DLGAP1: variants seen among roughly 807,000 people sequenced by gnomAD.
The protein encoded by DLGAP1 is DLG associated protein 1, also known as disks large-associated protein 1.
A neutral mutation model predicts 90.8 loss-of-function variants in DLGAP1; 11 were observed. That is an observed-to-expected ratio of 0.12 (90% CI 0.08 to 0.20). The LOEUF is 0.20. Ranked by LOEUF, DLGAP1 falls within the 10% of genes least tolerant of loss-of-function variation. The probability of loss-of-function intolerance (pLI) is 1.00; values close to 1 mark genes in which losing one functional copy is unlikely to be tolerated. For missense variants in DLGAP1, 1,050 were observed against 1,333.8 expected (o/e 0.79, Z 3.31); for synonymous variants, 558 against 540.7 (o/e 1.03, Z -0.44).
At chr18:4,211,798 T>C (rs1181677050) in intron 1 of DLGAP1, among the ~76,000 whole-genome samples, 1 of 152,106 alleles carries the variant, frequency 6.6e-6, no homozygotes. Context: ...AAGTGACAGG[T>C]GCTATTCTTG....
chr18:4,446,328 G>T (rs185357261), intron 1 of DLGAP1, among the ~76,000 whole-genome samples: 1 of 152,236 alleles, frequency 6.6e-6, no homozygotes. Flanking sequence ...GACCTCAAGA[G>T]CATTTTAGAA....
rs377430522 is a variant in DLGAP1, at chr18:3,523,655, G to A, written c.2479+10539C>T. ...GAGGTCAGGAGATCGAGACCATCCT[G>A]GCTAACACGGTGAAACCCCGTCTCT... is the stretch of plus-strand genomic sequence containing the variant. On this transcript the variant is annotated intron_variant, in intron 10 of 12. Transcript: ENST00000315677. Among the ~76,000 whole-genome samples the A allele has an allele frequency of 9.0e-4, 137 of 152,000 alleles. 1 individual carries two copies. In the East Asian group the frequency reaches 0.016, roughly 17 times the overall value.
At chr18:3,516,779 G>A (rs1262969698) in intron 10 of DLGAP1, among the ~76,000 whole-genome samples, 1 of 152,180 alleles carries the variant, frequency 6.6e-6, no homozygotes, top group Non-Finnish European at 1.5e-5. Flanking sequence ...TCACTACCAT[G>A]AGAACAGTAT....
chr18:3,736,590 T>A (rs2062648153), intron 6 of DLGAP1, among the ~76,000 whole-genome samples: 1 of 152,212 alleles, frequency 6.6e-6, no homozygotes, highest in African/African-American at 2.4e-5. Flanking sequence ...AGCTCTAACA[T>A]CTTAAAAGCC....
At chr18:4,304,090 A>G (rs998556862) in intron 1 of DLGAP1, among the ~76,000 whole-genome samples, 1 of 152,204 alleles carries the variant, frequency 6.6e-6, no homozygotes, top group African/African-American at 2.4e-5. Flanking sequence ...TGGCATGTAC[A>G]TTTTTTAGTC....
intron 1 of DLGAP1, among the ~76,000 whole-genome samples, chr18:4,447,137 G>C (rs886479337): frequency 2.6e-5 from 4 of 152,108 alleles, no homozygotes; most frequent in Admixed American, 2.6e-4. Flanking sequence ...GTGAAGATAC[G>C]ACTATTACCC....
At chr18:4,073,714 G>C (rs183138291) in intron 2 of DLGAP1, among the ~76,000 whole-genome samples, 129 of 152,184 alleles carry the variant, frequency 8.5e-4, no homozygotes, top group African/African-American at 3.1e-3. Flanking sequence ...TAAATTAGCT[G>C]CTCAATAAGA....
chr18:4,283,984 C>T (rs1265492780), intron 1 of DLGAP1, among the ~76,000 whole-genome samples: 1 of 151,916 alleles, frequency 6.6e-6, no homozygotes, highest in Non-Finnish European at 1.5e-5. Context: ...ATTCTTTCCC[C>T]AAAGGAAACA....
In DLGAP1 at chr18:4,202,503, T is replaced by A. The variant is rs80285458; in HGVS notation, c.-266-51216A>T. The stretch of plus-strand genomic sequence containing the variant: ...AACTATTGAAATAAAAATGTTTTGA[T>A]TAGAAAGATAGACTATATCCAATAG... On this transcript the variant is annotated intron_variant, in intron 1 of 12. Transcript: ENST00000315677. 5.9e-3 allele frequency among the ~76,000 whole-genome samples: 906 copies of A among 152,298 alleles called. 5 individuals are homozygous for A. The highest frequency in any genetic ancestry group is 8.1e-3 in the Non-Finnish European group (553 of 68,028).
At position 3,879,532 on chromosome 18, in the gene DLGAP1, G is replaced by C. The variant is rs746488576; in HGVS notation, c.537C>G (p.Gly179=). Residue 179 remains glycine (G), a synonymous_variant, in exon 4 of 13, where the codon GGC becomes GGG. Coordinates refer to ENST00000315677, the MANE Select transcript of DLGAP1 (RefSeq NM_004746.4). This position sits in a 1 kb window ranked among gnomAD's most constrained non-coding sequence, Gnocchi z 6.6. ...SPDEAQAARY[G]KRSKSKERRA... ...GCCGCTCCTTGCTCTTGCTGCGTTT[G>C]CCATAGCGCGCCGCCTGCGCCTCGT... 15 of 1,600,140 alleles carry C rather than the reference G, an allele frequency of 9.4e-6. No homozygotes were observed. The highest frequency in any genetic ancestry group is 1.3e-5 in the Non-Finnish European group (15 of 1,178,520).
At chr18:3,945,401 T>C (rs1216834750) in intron 3 of DLGAP1, among the ~76,000 whole-genome samples, 1 of 152,202 alleles carries the variant, frequency 6.6e-6, no homozygotes, top group Non-Finnish European at 1.5e-5. Context: ...CCATATTTGG[T>C]GTTTTGGGAG....
In DLGAP1 at chr18:3,659,394, TACACACACAC is replaced by T. The variant is rs71366699; in HGVS notation, c.1591+69731_1591+69740del. 4.6e-3 allele frequency among the ~76,000 whole-genome samples: 474 copies of T among 102,160 alleles called. 12 individuals are homozygous for T. The highest frequency in any genetic ancestry group is 0.02 in the African/African-American group (428 of 21,024). 67.0% of individuals were successfully genotyped at this position (102,160 alleles called of 152,430 possible). On this transcript the variant is annotated intron_variant, in intron 7 of 12. Coordinates refer to ENST00000315677, the MANE Select transcript of DLGAP1 (RefSeq NM_004746.4). Reference sequence around the variant, plus strand: ...GGGTAAGCCGTAACACATACATTTATACACACACACACACACACACACACACACACACACA... The same window carrying T: ...GGGTAAGCCGTAACACATACATTTATACACACACACACACACACACACACA...
At chr18:4,434,947 G>C (rs2083368262) in intron 1 of DLGAP1, among the ~76,000 whole-genome samples, 1 of 152,198 alleles carries the variant, frequency 6.6e-6, no homozygotes, top group Admixed American at 6.5e-5. Context: ...AGTATTAAGA[G>C]TTAAGGCTGG....
chr18:3,680,897 A>G lies in DLGAP1; in HGVS notation c.1591+48238T>C, dbSNP rs1358438970. ...GCACACTTGGGCCTAGGAAGAATGA[A>G]GAAGCCTGAATCTATGCTGCAAACT... On this transcript the variant is annotated intron_variant, in intron 7 of 12. Coordinates refer to ENST00000315677, the MANE Select transcript of DLGAP1 (RefSeq NM_004746.4). 2.0e-5 allele frequency among the ~76,000 whole-genome samples: 3 copies of G among 152,300 alleles called. No homozygotes were observed. In the East Asian group the frequency reaches 5.8e-4, roughly 29 times the overall value.
intron 1 of DLGAP1, among the ~76,000 whole-genome samples, chr18:4,306,954 A>G (rs1345983028): frequency 6.6e-6 from 1 of 152,230 alleles, no homozygotes; most frequent in African/African-American, 2.4e-5. Flanking sequence ...GTCCTTCTCA[A>G]TAGCACGTTA....
chr18:3,694,689 G>C (rs1425825098), intron 7 of DLGAP1, among the ~76,000 whole-genome samples: 1 of 152,178 alleles, frequency 6.6e-6, no homozygotes, highest in African/African-American at 2.4e-5. Context: ...CTTCTTTTGA[G>C]AAGTGTCTGT....
intron 1 of DLGAP1, among the ~76,000 whole-genome samples, chr18:4,385,456 C>A (rs2082210943): frequency 6.6e-6 from 1 of 151,504 alleles, no homozygotes; most frequent in Non-Finnish European, 1.5e-5. Context: ...GTTACATCAT[C>A]ACAATACTTT....
intron 5 of DLGAP1, among the ~76,000 whole-genome samples, chr18:3,753,601 G>C (rs1273235716): frequency 6.6e-6 from 1 of 152,172 alleles, no homozygotes; most frequent in African/African-American, 2.4e-5. Flanking sequence ...AGGGATGTGT[G>C]CATGCTGAGG....
At chr18:4,359,917 A>G (rs1048839872) in intron 1 of DLGAP1, among the ~76,000 whole-genome samples, 4 of 152,212 alleles carry the variant, frequency 2.6e-5, no homozygotes, top group Non-Finnish European at 5.9e-5. Context: ...AAACAGGTCA[A>G]CTGAAGGGAT....
Sources: allele counts gnomAD v4.1 joint callset (sites outside exome capture counted in the v4.1 genomes callset), GRCh38; gene constraint gnomAD v4.1.1; non-coding constraint Gnocchi (gnomAD v3.1); transcripts MANE v1.5; gene names NCBI Gene and HGNC (gene_info 2026-07-23, HGNC 2026-07-21).